NLRP1: variants seen among roughly 807,000 people sequenced by gnomAD.
NLRP1 encodes NACHT, LRR and PYD domains-containing protein 1.
A neutral mutation model predicts 136.7 loss-of-function variants in NLRP1; 94 were observed. The ratio of observed to expected loss-of-function variants is 0.69; its 90% CI spans 0.58 to 0.82. The LOEUF is 0.82. Among genes scored for constraint, NLRP1 ranks in the 40% least tolerant of loss-of-function variants. NLRP1 has a pLI of 0.00. For missense variants in NLRP1, 1,575 were observed against 1,802.7 expected, an observed-to-expected ratio of 0.87 and a Z score of 2.29; for synonymous variants, 690 against 725.1, an observed-to-expected ratio of 0.95 and a Z score of 0.78.
intron 15 of NLRP1, 56 bp from the exon 16 acceptor site, chr17:5,515,573 C>T: frequency 7.6e-7 from 1 of 1,308,530 alleles, no homozygotes; most frequent in East Asian, 2.3e-5. Flanking sequence ...TATTAACACA[C>T]ATGGTACACC....
downstream of NLRP1, among the ~76,000 whole-genome samples, chr17:5,509,603 T>C (rs1315770463): frequency 6.6e-6 from 1 of 152,198 alleles, no homozygotes; most frequent in East Asian, 1.9e-4. Context: ...GTCTCACTCT[T>C]GTTGCCTACA....
At chr17:5,507,272 C>A (rs9899767) in intron 15 of NLRP1, among the ~76,000 whole-genome samples, 42,666 of 152,040 alleles carry the variant, frequency 0.28, 6,445 homozygotes, top group African/African-American at 0.4. Flanking sequence ...GAAAAAATAA[C>A]TGTGAGGACA....
intron 14 of NLRP1, chr17:5,518,477 A>G (rs1318645247): frequency 1.3e-5 from 2 of 151,578 alleles, no homozygotes; most frequent in South Asian, 2.1e-4. Flanking sequence ...ACTTTTCTCC[A>G]TCTCCCTCGC....
chr17:5,530,015 C>T (rs1220937219), intron 12 of NLRP1: 11 of 456,732 alleles, frequency 2.4e-5, no homozygotes, highest in Admixed American at 4.7e-5. Flanking sequence ...TTTCATGGCT[C>T]CAGCTCTCAG....
chr17:5,518,367 T>G (rs2151737324), intron 14 of NLRP1: 1 of 154,796 alleles, frequency 6.5e-6, no homozygotes, highest in South Asian at 2.0e-4. Flanking sequence ...CCACTGAGCA[T>G]GCAGGCTCCA....
chr17:5,517,488 A>G (rs1437208033), intron 15 of NLRP1, among the ~76,000 whole-genome samples: 1 of 152,000 alleles, frequency 6.6e-6, no homozygotes, highest in Admixed American at 6.6e-5. Context: ...CCTGGGTTCA[A>G]GCGATTCTTC....
intron 5 of NLRP1, among the ~76,000 whole-genome samples, chr17:5,546,045 A>G (rs910539542): frequency 3.3e-5 from 5 of 152,332 alleles, no homozygotes; most frequent in African/African-American, 1.2e-4. Context: ...GACCTCTGTG[A>G]GGAGGCTGAG....
intron 12 of NLRP1, 142 bp from the exon 13 acceptor site, chr17:5,521,928 G>A (rs866409737): frequency 2.6e-6 from 2 of 782,236 alleles, no homozygotes; most frequent in Middle Eastern, 3.9e-4. Flanking sequence ...GGGTTCAAGC[G>A]ATTCTCCTGC....
rs1349961171 is a variant in NLRP1 at position 5,520,746 on chromosome 17, C to G, written c.3915+135G>C. The stretch of plus-strand genomic sequence containing the variant: ...CTAGTCTTGGAAGCATTCCCACTTT[C>G]TCTAAATCCCACTCACTTTCTGTTC... On this transcript the variant is annotated intron_variant, in intron 14 of 16. Coordinates refer to ENST00000572272, the MANE Select transcript of NLRP1 (RefSeq NM_033004.4). 14 of 818,164 alleles carry G rather than the reference C, an allele frequency of 1.7e-5. No homozygotes were observed. In the East Asian group the frequency reaches 2.0e-4, roughly 11 times the overall value. The allele number at this position is 818,164 out of a possible 1,614,324, so 50.7% of individuals were successfully genotyped here.
intron 3 of NLRP1, among the ~76,000 whole-genome samples, chr17:5,569,729 A>G (rs1282653355): frequency 2.6e-5 from 4 of 151,856 alleles, no homozygotes; most frequent in Non-Finnish European, 4.4e-5. Context: ...AATACTAACA[A>G]AGATATTTGG....
intron 3 of NLRP1, among the ~76,000 whole-genome samples, chr17:5,571,574 A>C (rs761528736): frequency 1.3e-5 from 2 of 152,226 alleles, no homozygotes; most frequent in Non-Finnish European, 2.9e-5. Flanking sequence ...AAGAACTACA[A>C]AACACTGCTG....
In NLRP1 at chr17:5,536,889, C is replaced by T; in HGVS notation, c.2922G>A (p.Leu974=). 6.2e-7 allele frequency: 1 copy of T among 1,613,890 alleles called. No homozygotes were observed. Among genetic ancestry groups the T allele is most frequent in the Non-Finnish European group, 8.5e-7 (1 of 1,179,776 alleles). Residue 974 remains leucine (L), a synonymous_variant, in exon 8 of 17, where the codon CTG becomes CTA. Transcript: ENST00000572272. ...SDEMRQELRA[L]EQEKPQLLIF... ...TGAGCAGCTGAGGTTTCTCCTGCTC[C>T]AGGGCCCTCAGTTCCTGCCTCATCT...
chr17:5,502,407 A>C (rs915410101), intron 15 of NLRP1: 3 of 160,704 alleles, frequency 1.9e-5, no homozygotes, highest in African/African-American at 7.3e-5. Context: ...CTCCTGCCTC[A>C]GCCTCTGAGT....
At position 5,520,934 on chromosome 17, in the gene NLRP1, A is replaced by C. The variant is rs1157252244; in HGVS notation, c.3862T>G (p.Cys1288Gly). 1.9e-6 allele frequency: 3 copies of C among 1,612,356 alleles called. No individual in the cohort carries two copies. Among genetic ancestry groups the C allele is most frequent in the South Asian group, 2.2e-5 (2 of 90,698 alleles). ...PPPLTPLYMG[C>G]RYTVSGSGSG... ...CCAGACCCAGACACAGTGTAACGAC[A>C]GCCCATATAAAGTGGGGTCAGCGGG... The change falls in exon 14 of 17, where the codon TGT (cysteine) becomes GGT (glycine). Residue 1288 changes from cysteine to glycine, a missense_variant. Physicochemically the swap from Cys to Gly is radical, Grantham distance 159. Coordinates refer to ENST00000572272, the MANE Select transcript of NLRP1 (RefSeq NM_033004.4).
At chr17:5,542,522 G>A (rs1911997473) in intron 5 of NLRP1, among the ~76,000 whole-genome samples, 1 of 152,146 alleles carries the variant, frequency 6.6e-6, no homozygotes, top group Non-Finnish European at 1.5e-5. Context: ...TCAGAAGGAA[G>A]TCGCTTTGGT....
intron 3 of NLRP1, among the ~76,000 whole-genome samples, chr17:5,581,402 C>T (rs1283264095): frequency 5.3e-5 from 8 of 152,186 alleles, no homozygotes; most frequent in South Asian, 2.1e-4. Flanking sequence ...ATTTATCTCA[C>T]GGAGTGGTTG....
At chr17:5,564,270 G>A (rs181439982) in intron 3 of NLRP1, among the ~76,000 whole-genome samples, 13 of 152,208 alleles carry the variant, frequency 8.5e-5, no homozygotes, top group Admixed American at 7.8e-4. Flanking sequence ...TCACCCTATT[G>A]TGCTATCAAA....
intron 9 of NLRP1, 147 bp from the exon 10 acceptor site, chr17:5,533,531 G>A: frequency 2.3e-6 from 1 of 437,358 alleles, no homozygotes; most frequent in Non-Finnish European, 4.1e-6. Flanking sequence ...ACTCCAGCCT[G>A]AACACTAGAG....
At chr17:5,522,440 G>A (rs148148446) in intron 12 of NLRP1, among the ~76,000 whole-genome samples, 74 of 152,316 alleles carry the variant, frequency 4.9e-4, no homozygotes, top group African/African-American at 1.8e-3. Flanking sequence ...CATGTATGAG[G>A]AATGGGCCTC....
Sources: allele counts gnomAD v4.1 joint callset (sites outside exome capture counted in the v4.1 genomes callset), GRCh38; gene constraint gnomAD v4.1.1; transcripts MANE v1.5; gene names NCBI Gene and HGNC (gene_info 2026-07-23, HGNC 2026-07-21).